The following SNTG2 variants were observed in gnomAD, a reference collection of about 807,000 sequenced individuals.
SNTG2 encodes syntrophin gamma 2.
A neutral mutation model predicts 70.9 loss-of-function variants in SNTG2; 74 were observed. The observed-to-expected ratio is 1.04, with a 90% CI of 0.86 to 1.27. SNTG2 has a LOEUF of 1.27. Ranked by LOEUF, SNTG2 falls within the 50% of genes most tolerant of loss-of-function variation. The pLI, the probability that SNTG2 is intolerant of heterozygous loss-of-function variation, is 0.00. For missense variants in SNTG2, 717 were observed against 690.7 expected (o/e 1.04, Z -0.43); for synonymous variants, 278 against 273.8 (o/e 1.02, Z -0.15).
At chr2:1,231,378 A>G (rs1430763813) in intron 9 of SNTG2, among the ~76,000 whole-genome samples, 1 of 152,252 alleles carries the variant, frequency 6.6e-6, no homozygotes, top group Admixed American at 6.5e-5. Context: ...AGAGCCTGGC[A>G]CAAAGCCAGC....
chr2:1,331,504 T>C (rs1659527110), intron 16 of SNTG2, among the ~76,000 whole-genome samples: 6 of 152,182 alleles, frequency 3.9e-5, no homozygotes, highest in Admixed American at 3.9e-4. Flanking sequence ...CAGGATCCCT[T>C]GACTTTATTC....
chr2:956,761 A>G (rs1660176825), intron 1 of SNTG2, among the ~76,000 whole-genome samples: 1 of 152,258 alleles, frequency 6.6e-6, no homozygotes, highest in Admixed American at 6.5e-5. Flanking sequence ...TTGAGCCAAT[A>G]AGTATATATC....
chr2:1,291,997 C>A (rs1361217356), intron 14 of SNTG2, among the ~76,000 whole-genome samples: 1 of 152,158 alleles, frequency 6.6e-6, no homozygotes, highest in Non-Finnish European at 1.5e-5. Flanking sequence ...ATGGTGTGTT[C>A]TTTAATTTTT....
At chr2:1,176,764 G>T (rs1671508217) in intron 8 of SNTG2, among the ~76,000 whole-genome samples, 2 of 152,074 alleles carry the variant, frequency 1.3e-5, no homozygotes, top group Admixed American at 1.3e-4. Flanking sequence ...GATCCCCAGA[G>T]AAATGCAAAT....
chr2:1,361,008 T>A (rs1392132031), intron 16 of SNTG2, among the ~76,000 whole-genome samples: 15 of 152,190 alleles, frequency 9.9e-5, no homozygotes, highest in Admixed American at 9.8e-4. Flanking sequence ...CGCTGTCTCT[T>A]CCATTCCACT....
intron 8 of SNTG2, among the ~76,000 whole-genome samples, chr2:1,191,601 C>G (rs1434145255): frequency 6.6e-6 from 1 of 152,118 alleles, no homozygotes; most frequent in East Asian, 1.9e-4. Context: ...TGAGTCCATC[C>G]TGGCTAACAC....
intron 1 of SNTG2, among the ~76,000 whole-genome samples, chr2:1,015,600 A>G (rs1478020486): frequency 2.6e-5 from 4 of 152,324 alleles, no homozygotes; most frequent in South Asian, 2.1e-4. Flanking sequence ...GTCCAAGTTC[A>G]CTTGTGATTG....
chr2:1,040,828 G>T (rs1661395287), intron 1 of SNTG2, among the ~76,000 whole-genome samples: 1 of 152,148 alleles, frequency 6.6e-6, no homozygotes, highest in Admixed American at 6.5e-5. Context: ...CTTGACGTTT[G>T]ATATTAATTA....
At chr2:966,902 G>A (rs1218455024) in intron 1 of SNTG2, among the ~76,000 whole-genome samples, 4 of 152,200 alleles carry the variant, frequency 2.6e-5, no homozygotes, top group East Asian at 1.9e-4. Context: ...AGCCGAGATC[G>A]CGCCACTGCC....
chr2:1,085,947 C>A (rs563531311), intron 2 of SNTG2, among the ~76,000 whole-genome samples: 1 of 152,070 alleles, frequency 6.6e-6, no homozygotes, highest in African/African-American at 2.4e-5. Flanking sequence ...TGTTAGGTCA[C>A]GGTAGATTTG....
At position 1,155,996 on chromosome 2, in the gene SNTG2, G is replaced by GA. The variant is rs563196455; in HGVS notation, c.412-9552_412-9551insA. Among the ~76,000 whole-genome samples the GA allele has an allele frequency of 1.0e-3, 155 of 152,198 alleles. 2 individuals are homozygous for GA. The South Asian group carries it at 0.02, about 20-fold the overall frequency. Reference sequence around the variant, plus strand: ...CACCCAGAAGGCCAGGCCAGGCCAGGCCAGGACACCGCAGACAAAGGAACC... The same window carrying GA: ...CACCCAGAAGGCCAGGCCAGGCCAGGACCAGGACACCGCAGACAAAGGAACC... On this transcript the variant is annotated intron_variant, in intron 6 of 16. Coordinates refer to ENST00000308624, the MANE Select transcript of SNTG2 (RefSeq NM_018968.4).
At chr2:1,234,193 A>G (rs1202229257) in intron 9 of SNTG2, among the ~76,000 whole-genome samples, 2 of 152,170 alleles carry the variant, frequency 1.3e-5, no homozygotes, top group African/African-American at 4.8e-5. Context: ...CCCTGGAAGA[A>G]GCGGCTCCTG....
chr2:1,212,145 G>T (rs1352859974), intron 9 of SNTG2, among the ~76,000 whole-genome samples: 1 of 152,134 alleles, frequency 6.6e-6, no homozygotes, highest in African/African-American at 2.4e-5. Flanking sequence ...GGCCTGGTGG[G>T]ATTAGATCAT....
intron 12 of SNTG2, among the ~76,000 whole-genome samples, chr2:1,248,797 G>A (rs973305163): frequency 6.6e-6 from 1 of 152,150 alleles, no homozygotes; most frequent in African/African-American, 2.4e-5. Context: ...CTGAGGTGTC[G>A]GAGGACTTCC....
intron 15 of SNTG2, among the ~76,000 whole-genome samples, chr2:1,309,964 C>T (rs921952837): frequency 2.6e-5 from 4 of 152,216 alleles, no homozygotes; most frequent in African/African-American, 9.6e-5. Flanking sequence ...GAAGCCAGTT[C>T]TTCATAACCT....
intron 13 of SNTG2, chr2:1,262,695 G>C (rs72490792): frequency 2.9e-3 from 257 of 89,902 alleles, no homozygotes; most frequent in South Asian, 4.7e-3. Flanking sequence ...GGAAGGCTCC[G>C]TCCAGACGAG....
intron 1 of SNTG2, among the ~76,000 whole-genome samples, chr2:1,024,643 G>A (rs1660375454): frequency 6.6e-6 from 1 of 152,038 alleles, no homozygotes; most frequent in South Asian, 2.1e-4. Flanking sequence ...CAAAATGCTG[G>A]GATTACAGGC....
chr2:1,135,059 G>A (rs895109185), intron 4 of SNTG2, among the ~76,000 whole-genome samples: 38 of 152,142 alleles, frequency 2.5e-4, no homozygotes, highest in Non-Finnish European at 2.5e-4. Context: ...GTCCAGGGAG[G>A]CTGCTGACCC....
At chr2:978,367 C>T (rs1008309359) in intron 1 of SNTG2, among the ~76,000 whole-genome samples, 4 of 152,264 alleles carry the variant, frequency 2.6e-5, no homozygotes, top group Admixed American at 6.5e-5. Context: ...GAAATTATTA[C>T]TTTTCATTCA....
Sources: allele counts gnomAD v4.1 joint callset (sites outside exome capture counted in the v4.1 genomes callset), GRCh38; gene constraint gnomAD v4.1.1; transcripts MANE v1.5; gene names NCBI Gene and HGNC (gene_info 2026-07-23, HGNC 2026-07-21).